The following MYO10 variants were observed in gnomAD, a reference collection of about 807,000 sequenced individuals.
MYO10 encodes the protein myosin X.
In MYO10, 133 loss-of-function variants were observed where a neutral mutation model predicts 257.3. The observed-to-expected ratio is 0.52, with a 90% CI of 0.45 to 0.60. MYO10 has a LOEUF of 0.60. Among genes scored for constraint, MYO10 ranks in the 20% least tolerant of loss-of-function variants. MYO10 has a pLI of 0.00. For missense variants in MYO10, 2,399 were observed against 2,635.7 expected, an observed-to-expected ratio of 0.91 and a Z score of 1.97; for synonymous variants, 1,104 against 1,028.6, an observed-to-expected ratio of 1.07 and a Z score of -1.40.
chr5:16,739,995 A>C (rs1430567326), intron 19 of MYO10, among the ~76,000 whole-genome samples: 2 of 152,158 alleles, frequency 1.3e-5, no homozygotes, highest in Admixed American at 1.3e-4. Flanking sequence ...TTGCCGGAGA[A>C]AAAAACAAGG....
intron 2 of MYO10, among the ~76,000 whole-genome samples, chr5:16,864,931 T>A (rs1340091780): frequency 1.3e-5 from 2 of 152,140 alleles, no homozygotes; most frequent in East Asian, 3.9e-4. Context: ...AAAGTCCCAG[T>A]GGTGTTCAAT....
At chr5:16,756,262 C>T (rs575822968) in intron 18 of MYO10, among the ~76,000 whole-genome samples, 2 of 151,996 alleles carry the variant, frequency 1.3e-5, no homozygotes, top group Non-Finnish European at 2.9e-5. Flanking sequence ...GATGAGGCCT[C>T]GCTATGTTGC....
At chr5:16,690,619 T>C (rs1737456187) in intron 27 of MYO10, among the ~76,000 whole-genome samples, 1 of 152,010 alleles carries the variant, frequency 6.6e-6, no homozygotes, top group South Asian at 2.1e-4. Context: ...CTTTGGACCC[T>C]TTCTCAAATC....
At chr5:16,839,254 T>G (rs1465079708) in intron 2 of MYO10, among the ~76,000 whole-genome samples, 1 of 152,152 alleles carries the variant, frequency 6.6e-6, no homozygotes, top group South Asian at 2.1e-4. Flanking sequence ...CAAGAACATC[T>G]GTGATTCATG....
intron 19 of MYO10, among the ~76,000 whole-genome samples, chr5:16,748,960 C>T (rs1206867447): frequency 1.3e-5 from 2 of 152,072 alleles, no homozygotes; most frequent in South Asian, 2.1e-4. Context: ...AGATGGTTTA[C>T]ACATCCTCAT....
chr5:16,850,730 C>T (rs1013929410), intron 2 of MYO10, among the ~76,000 whole-genome samples: 2 of 147,566 alleles, frequency 1.4e-5, no homozygotes, highest in Admixed American at 7.1e-5. Flanking sequence ...TTAATGTGAT[C>T]GCTCTAAAAA....
chr5:16,867,505 G>T (rs1205457966), intron 2 of MYO10, among the ~76,000 whole-genome samples: 2 of 152,120 alleles, frequency 1.3e-5, no homozygotes, highest in Admixed American at 6.5e-5. Flanking sequence ...AAGAAAACCA[G>T]CTGGACAGGG....
intron 19 of MYO10, among the ~76,000 whole-genome samples, chr5:16,744,624 G>A (rs1740131318): frequency 6.6e-6 from 1 of 151,842 alleles, no homozygotes; most frequent in African/African-American, 2.4e-5. Context: ...AGGCCCTGCG[G>A]GTAACTAAGC....
chr5:16,793,995 T>C (rs1237030029), intron 4 of MYO10, among the ~76,000 whole-genome samples: 1 of 152,066 alleles, frequency 6.6e-6, no homozygotes, highest in Non-Finnish European at 1.5e-5. Flanking sequence ...GGAGCTGATA[T>C]TGGGGCTCCT....
chr5:16,788,721 CTG>C lies in MYO10; in HGVS notation c.468-5254_468-5253del, dbSNP rs535513983. On this transcript the variant is annotated intron_variant, in intron 4 of 40. Transcript: ENST00000513610. Reference sequence around the variant, plus strand: ...TGAGAAGACAGCAGATGAAAAATGACTGAGAAGCTGAGGAGTGGCCGTGGAGA... The same window carrying C: ...TGAGAAGACAGCAGATGAAAAATGACAGAAGCTGAGGAGTGGCCGTGGAGA... Among the ~76,000 whole-genome samples, 9 of 152,006 alleles carry C rather than the reference CTG, an allele frequency of 5.9e-5. No individual in the cohort carries two copies. The South Asian group carries it at 1.9e-3, about 32-fold the overall frequency.
intron 2 of MYO10, among the ~76,000 whole-genome samples, chr5:16,863,673 G>T (rs1744167120): frequency 6.6e-6 from 1 of 152,144 alleles, no homozygotes; most frequent in African/African-American, 2.4e-5. Context: ...CACCCCGAGA[G>T]ATGAAAACAG....
chr5:16,863,773 G>C (rs1744168644), intron 2 of MYO10, among the ~76,000 whole-genome samples: 1 of 152,150 alleles, frequency 6.6e-6, no homozygotes, highest in Non-Finnish European at 1.5e-5. Context: ...TAGGGCCTGA[G>C]TGGTTTACAC....
rs1299372866 is a variant in MYO10 at position 16,876,110 on chromosome 5, C to T, written c.120+1499G>A. ...GCTGGGCAACAGAGCAAGAATCCATCTCAGAAAATAAAAAAATAAATAAAA... is the reference window on the plus strand; with the variant it reads ...GCTGGGCAACAGAGCAAGAATCCATTTCAGAAAATAAAAAAATAAATAAAA... On this transcript the variant is annotated intron_variant, in intron 2 of 40. Transcript: ENST00000513610. Among the ~76,000 whole-genome samples the T allele has an allele frequency of 2.0e-5, 3 of 152,180 alleles. No homozygotes were observed. The South Asian group carries it at 6.2e-4, about 32-fold the overall frequency.
chr5:16,924,152 G>A (rs191855683), intron 1 of MYO10, among the ~76,000 whole-genome samples: 18 of 152,284 alleles, frequency 1.2e-4, no homozygotes, highest in Admixed American at 1.2e-3. Flanking sequence ...GGCTCCCCAG[G>A]CAATGTACAG....
At chr5:16,758,634 T>G (rs1199024890) in intron 17 of MYO10, among the ~76,000 whole-genome samples, 2 of 152,180 alleles carry the variant, frequency 1.3e-5, no homozygotes, top group East Asian at 3.9e-4. Context: ...TGGGGAACAC[T>G]AATTACAGGG....
chr5:16,861,168 C>T (rs1240473391), intron 2 of MYO10, among the ~76,000 whole-genome samples: 10 of 151,290 alleles, frequency 6.6e-5, no homozygotes, highest in Admixed American at 4.0e-4. Flanking sequence ...CTGTCAAGGG[C>T]GCAGCGTGGA....
At chr5:16,688,208 C>CTTT (rs1737335854) in intron 28 of MYO10, among the ~76,000 whole-genome samples, 1 of 152,126 alleles carries the variant, frequency 6.6e-6, no homozygotes, top group Non-Finnish European at 1.5e-5. Context: ...TCCAGGTTTG[C>CTTT]TTGTTTTTCC....
chr5:16,854,094 C>T (rs1205937317), intron 2 of MYO10: 2 of 152,074 alleles, frequency 1.3e-5, no homozygotes, highest in African/African-American at 2.4e-5. Context: ...AAACATAGTC[C>T]TAAGACAGAC....
rs983803118 is a variant in MYO10, at chr5:16,831,804, C to A, written c.121-13637G>T. Among the ~76,000 whole-genome samples, 3 of 152,278 alleles carry A rather than the reference C, an allele frequency of 2.0e-5. No homozygotes were observed. In the East Asian group the frequency reaches 5.8e-4, roughly 29 times the overall value. On this transcript the variant is annotated intron_variant, in intron 2 of 40. Transcript: ENST00000513610. ...ACTCAGGTGATGGGTGCACCAAAAT[C>A]TCTCTAATCACCACTAAAGAACTTA...
Sources: gnomAD v4.1 joint callset for allele counts (sites outside exome capture counted in the v4.1 genomes callset) on GRCh38, gnomAD v4.1.1 for gene constraint, MANE v1.5 for transcripts, NCBI Gene and HGNC (gene_info 2026-07-23, HGNC 2026-07-21) for gene names.